CNGA3: variants seen among roughly 807,000 people sequenced by gnomAD.
CNGA3 encodes cyclic nucleotide gated channel subunit alpha 3, also known as cyclic nucleotide-gated channel alpha-3.
Under a neutral mutation model 46.6 loss-of-function variants are expected in CNGA3, and 42 were observed. The observed-to-expected ratio is 0.90, with a 90% CI of 0.70 to 1.17. The LOEUF (loss-of-function observed/expected upper bound fraction) is 1.17. Ranked by LOEUF, CNGA3 falls within the 50% of genes most tolerant of loss-of-function variation. The pLI, the probability that CNGA3 is intolerant of heterozygous loss-of-function variation, is 0.00. For missense variants in CNGA3, 893 were observed against 890.7 expected, an observed-to-expected ratio of 1.00 and a Z score of -0.03; for synonymous variants, 394 against 369.4, an observed-to-expected ratio of 1.07 and a Z score of -0.76.
chr2:98,395,987 G>C lies in CNGA3; in HGVS notation c.817G>C (p.Val273Leu), dbSNP rs1222498341. 6.2e-7 allele frequency: 1 copy of C among 1,614,232 alleles called. No individual in the cohort carries two copies. The highest frequency in any genetic ancestry group is 1.7e-5 in the Admixed American group (1 of 60,028). Residue 273 changes from valine to leucine, a missense_variant, in exon 8 of 8, where the codon GTG becomes CTG. Val to Leu is a conservative substitution (Grantham distance 32, BLOSUM62 1). Around this residue, in one of 3 missense-constraint regions of CNGA3, gnomAD observed 548 missense variants for 570.8 expected, o/e 0.96. Coordinates refer to ENST00000272602, the MANE Select transcript of CNGA3 (RefSeq NM_001298.3). ...AAAGGTGGGCACAAACTACCCAGAA[G>C]TGAGGTTCAACCGCCTACTGAAGTT... is the stretch of plus-strand genomic sequence containing the variant. ...YLKVGTNYPE[V>L]RFNRLLKFSR...
Position 98,367,176 on chromosome 2 carries a change from C to CCTTTTT in CNGA3, c.-37-2763_-37-2762insCTTTTT, listed in dbSNP as rs1369254057. On this transcript the variant is annotated intron_variant, in intron 1 of 7. Coordinates refer to ENST00000272602, the MANE Select transcript of CNGA3 (RefSeq NM_001298.3). ...ACCTCTGACATCAGCTGTTTTTTTT[C>CCTTTTT]TTTTTTTTCTTTTTTTTTTTTTTTT... 3.1e-3 allele frequency among the ~76,000 whole-genome samples: 360 copies of CCTTTTT among 115,500 alleles called. 11 individuals are homozygous for CCTTTTT. Among genetic ancestry groups the CCTTTTT allele is most frequent in the Non-Finnish European group, 4.3e-3 (244 of 56,290 alleles). The allele number at this position is 115,500 out of a possible 152,430, so 75.8% of individuals were successfully genotyped here. A position where few individuals can be genotyped will look rare whatever the true frequency, so the allele number is the denominator to read the frequency against.
intron 1 of CNGA3, chr2:98,355,707 A>G (rs1691865362): frequency 6.6e-6 from 1 of 152,250 alleles, no homozygotes; most frequent in Non-Finnish European, 1.5e-5. Flanking sequence ...ACTTTTAAAT[A>G]AAATACAATA....
chr2:98,397,979 G>A lies in CNGA3; in HGVS notation c.*724G>A, dbSNP rs1457839667. 6.5e-6 allele frequency: 1 copy of A among 153,026 alleles called. No homozygotes were observed. The highest frequency in any genetic ancestry group is 1.5e-5 in the Non-Finnish European group (1 of 68,654). The allele number at this position is 153,026 out of a possible 1,614,324, so 9.5% of individuals were successfully genotyped here. On this transcript the variant is annotated 3_prime_UTR_variant, in exon 8 of 8. Transcript: ENST00000272602. ...AAGAGACATCCCCTCCTTCTCACTT[G>A]CCAAAGAGATTCAAAGACAGCCCCT...
chr2:98,375,820 G>T (rs572209479), intron 2 of CNGA3, among the ~76,000 whole-genome samples: 1 of 152,136 alleles, frequency 6.6e-6, no homozygotes, highest in South Asian at 2.1e-4. Context: ...AGCAAGTTTT[G>T]AAATGGGATG....
rs755435018 is a variant in CNGA3, at chr2:98,380,149, G to A, written c.216-26G>A. ...TGTGGGGGGCTTTTCCTCTCCCTCT[G>A]GCTCAGTGCTTGTGTCACCTTCCAG... is the stretch of plus-strand genomic sequence containing the variant. On this transcript the variant is annotated intron_variant, in intron 3 of 7. Coordinates refer to ENST00000272602, the MANE Select transcript of CNGA3 (RefSeq NM_001298.3). 9 of 1,613,392 alleles carry A rather than the reference G, an allele frequency of 5.6e-6. No homozygotes were observed. In the East Asian group the frequency reaches 2.0e-4, roughly 36 times the overall value.
In CNGA3 at chr2:98,367,419, C is replaced by T. The variant is rs151290286; in HGVS notation, c.-37-2520C>T. 1.3e-4 allele frequency among the ~76,000 whole-genome samples: 20 copies of T among 152,162 alleles called. No individual in the cohort carries two copies. In the East Asian group the frequency reaches 3.9e-3, roughly 30 times the overall value. On this transcript the variant is annotated intron_variant, in intron 1 of 7. Transcript: ENST00000272602. ...CCATGTTAGCCAGGATGGTCTCAAT[C>T]TCCTAACCTTGTGATCCAGCCGCTT...
At chr2:98,365,043 AT>A (rs35874455) in intron 1 of CNGA3, among the ~76,000 whole-genome samples, 14,142 of 144,604 alleles carry the variant, frequency 0.098, 965 homozygotes, top group Admixed American at 0.25. Context: ...TGCCCTTAAC[AT>A]TTTTTTTTTT....
intron 1 of CNGA3, among the ~76,000 whole-genome samples, chr2:98,354,871 AT>A (rs1691845111): frequency 6.6e-6 from 1 of 152,326 alleles, no homozygotes; most frequent in African/African-American, 2.4e-5. Flanking sequence ...ACACAAAGGC[AT>A]TTTTATTTTG....
Position 98,397,105 on chromosome 2 carries a change from A to C in CNGA3, c.1935A>C (p.Ala645=). The change falls in exon 8 of 8, where the codon GCA becomes GCC. Residue 645 remains alanine, a synonymous_variant. Transcript: ENST00000272602. ...SSLDTLQTRF[A]RLLAEYNATQ... ...TGGACACCCTGCAGACCAGGTTTGC[A>C]CGCCTCCTGGCTGAGTACAACGCCA... 1 of 1,614,196 alleles carries C rather than the reference A, an allele frequency of 6.2e-7. No homozygotes were observed. Among genetic ancestry groups the C allele is most frequent in the Non-Finnish European group, 8.5e-7 (1 of 1,180,026 alleles).
intron 7 of CNGA3, among the ~76,000 whole-genome samples, chr2:98,393,839 A>T (rs549679305): frequency 7.2e-5 from 11 of 152,180 alleles, no homozygotes; most frequent in African/African-American, 2.4e-4. Flanking sequence ...ATCTTAAAGA[A>T]GTGGGGAGGA....
At chr2:98,356,369 A>G (rs1691879781) in intron 1 of CNGA3, among the ~76,000 whole-genome samples, 1 of 152,150 alleles carries the variant, frequency 6.6e-6, no homozygotes, top group South Asian at 2.1e-4. Flanking sequence ...GAGAAGTAAG[A>G]TAGAAGACCC....
At chr2:98,361,398 T>C (rs998229174) in intron 1 of CNGA3, among the ~76,000 whole-genome samples, 2 of 152,222 alleles carry the variant, frequency 1.3e-5, no homozygotes, top group Admixed American at 6.5e-5. Flanking sequence ...CCATGGTGTA[T>C]ATGTACCACA....
chr2:98,365,988 T>G (rs1692140309), intron 1 of CNGA3, among the ~76,000 whole-genome samples: 1 of 152,240 alleles, frequency 6.6e-6, no homozygotes. Context: ...CTCTGGTTTT[T>G]TGAGTTTTCA....
At chr2:98,376,195 C>A (rs977228870) in intron 2 of CNGA3, among the ~76,000 whole-genome samples, 1 of 152,148 alleles carries the variant, frequency 6.6e-6, no homozygotes, top group African/African-American at 2.4e-5. Flanking sequence ...TTTGGGTTTT[C>A]GCTGACTGTA....
intron 1 of CNGA3, among the ~76,000 whole-genome samples, chr2:98,357,665 G>A (rs185059615): frequency 0.013 from 1,944 of 152,216 alleles, 145 homozygotes; most frequent in Admixed American, 0.12. Context: ...GGTGGCAGGG[G>A]GACATGCTAG....
chr2:98,346,462 G>T lies in CNGA3; in HGVS notation c.-110G>T, dbSNP rs1408122424. 1.3e-5 allele frequency: 5 copies of T among 398,592 alleles called. No homozygotes were observed. Among genetic ancestry groups the T allele is most frequent in the Non-Finnish European group, 2.2e-5 (5 of 226,186 alleles). 24.7% of individuals were successfully genotyped at this position (398,592 alleles called of 1,614,324 possible). Reference sequence around the variant, plus strand: ...CGCGGGGGAGGGAGCGAGCGGAACTGCGCCTAGGAGGCCGAGGGAGGAGGC... The same window carrying T: ...CGCGGGGGAGGGAGCGAGCGGAACTTCGCCTAGGAGGCCGAGGGAGGAGGC... On this transcript the variant is annotated 5_prime_UTR_variant, in exon 1 of 8. Coordinates refer to ENST00000272602, the MANE Select transcript of CNGA3 (RefSeq NM_001298.3).
intron 6 of CNGA3, 21 bp downstream of exon 6, chr2:98,389,795 G>A: frequency 6.2e-7 from 1 of 1,600,274 alleles, no homozygotes; most frequent in Non-Finnish European, 8.6e-7. Flanking sequence ...GGGGTGGAAG[G>A]TGCAGCGGAA....
intron 5 of CNGA3, among the ~76,000 whole-genome samples, chr2:98,386,063 T>C (rs560621046): frequency 6.6e-6 from 1 of 152,292 alleles, no homozygotes; most frequent in African/African-American, 2.4e-5. Flanking sequence ...TAGGGTCTTA[T>C]TACATGGTGG....
At chr2:98,349,693 A>C (rs575072400) in intron 1 of CNGA3, among the ~76,000 whole-genome samples, 1 of 152,302 alleles carries the variant, frequency 6.6e-6, no homozygotes, top group African/African-American at 2.4e-5. Flanking sequence ...TTCTGATTCC[A>C]CACTTATACA....
Sources: gnomAD v4.1 joint callset for allele counts (sites outside exome capture counted in the v4.1 genomes callset) on GRCh38, gnomAD v4.1.1 for gene constraint, gnomAD v4.1.1 regional missense constraint, MANE v1.5 for transcripts, NCBI Gene and HGNC (gene_info 2026-07-23, HGNC 2026-07-21) for gene names.